The following ZGPAT variants were observed in gnomAD, a reference collection of about 807,000 sequenced individuals.
The protein encoded by ZGPAT is zinc finger CCCH-type and G-patch domain containing, also known as zinc finger CCCH-type with G patch domain-containing protein.
In ZGPAT, 39 loss-of-function variants were observed where a neutral mutation model predicts 47.9. That is an observed-to-expected ratio of 0.81 (90% CI 0.63 to 1.06). The LOEUF (loss-of-function observed/expected upper bound fraction) is 1.06. ZGPAT is among the 50% of genes least tolerant of loss of function. The pLI is 0.00. For synonymous variants in ZGPAT, 348 were observed against 292.9 expected (o/e 1.19, Z -1.92); for missense variants, 717 against 681.4 (o/e 1.05, Z -0.58).
Position 63,732,340 on chromosome 20 carries a change from G to GCAT in ZGPAT, c.585-879_585-878insCAT, listed in dbSNP as rs1568799391. Among the ~76,000 whole-genome samples, 5 of 120,768 alleles carry GCAT rather than the reference G, an allele frequency of 4.1e-5. No homozygotes were observed. The East Asian group carries it at 8.4e-4, about 20-fold the overall frequency. 79.2% of individuals were successfully genotyped at this position (120,768 alleles called of 152,430 possible). A position where few individuals can be genotyped will look rare whatever the true frequency, so the allele number is the denominator to read the frequency against. On this transcript the variant is annotated intron_variant, in intron 2 of 6. Transcript: ENST00000355969. ...GGGGGCATGTGTGTGCACGTGTGTG[G>GCAT]GTGAGGTGTGTGTGTGCATGTGTCA...
At position 63,724,673 on chromosome 20, in the gene ZGPAT, A is replaced by ATTT. The variant is rs34414685; in HGVS notation, c.585-8530_585-8528dup. Among the ~76,000 whole-genome samples the ATTT allele has an allele frequency of 9.5e-3, 1,303 of 137,414 alleles. 30 individuals are homozygous for ATTT. The highest frequency in any genetic ancestry group is 0.034 in the African/African-American group (1,237 of 36,624). The allele number at this position is 137,414 out of a possible 152,430, so 90.1% of individuals were successfully genotyped here. A position where few individuals can be genotyped will look rare whatever the true frequency, so the allele number is the denominator to read the frequency against. On this transcript the variant is annotated intron_variant, in intron 2 of 6. Transcript: ENST00000355969. ...TTTAGTCTGAAGAACTTCATTTAGA[A>ATTT]TTTTTTTTTTTTTTTTTTGAGACAA...
At chr20:63,721,179 C>G (rs1325998525) in intron 2 of ZGPAT, among the ~76,000 whole-genome samples, 3 of 151,974 alleles carry the variant, frequency 2.0e-5, no homozygotes, top group Non-Finnish European at 4.4e-5. Context: ...TGGTGAAACC[C>G]TGTCTCTACT....
At chr20:63,734,382 C>A in intron 4 of ZGPAT, 1 of 416,484 alleles carries the variant, frequency 2.4e-6, no homozygotes, top group Non-Finnish European at 4.3e-6. Flanking sequence ...GCAGGTGAGG[C>A]GCTCACAGCC....
rs750873972 is a variant in ZGPAT, at chr20:63,708,861, C to G, written c.281C>G (p.Ala94Gly). ...EAITEAVEAP[A>G]AARGSGSETV... ...ATCACTGAGGCGGTGGAGGCACCAGCAGCGGCCCGTGGGTCCGGATCAGAG... is the reference window on the plus strand; with the variant it reads ...ATCACTGAGGCGGTGGAGGCACCAGGAGCGGCCCGTGGGTCCGGATCAGAG... Residue 94 changes from alanine (A) to glycine (G), a missense_variant, in exon 2 of 7, where the codon GCA (alanine) becomes GGA (glycine). Coordinates refer to ENST00000355969, the MANE Select transcript of ZGPAT (RefSeq NM_181485.3). The G allele has an allele frequency of 6.2e-6, 10 of 1,607,838 alleles. No individual in the cohort carries two copies. Among genetic ancestry groups the G allele is most frequent in the Non-Finnish European group, 7.6e-6 (9 of 1,176,980 alleles).
At chr20:63,708,480 C>T (rs1479070364) in intron 1 of ZGPAT, 73 bp from the exon 2 acceptor site, 8 of 1,082,560 alleles carry the variant, frequency 7.4e-6, no homozygotes, top group African/African-American at 1.8e-5. Flanking sequence ...GGGACGTGCC[C>T]GTGCCCGTGC....
chr20:63,717,856 G>A (rs1297433740), intron 2 of ZGPAT, among the ~76,000 whole-genome samples: 6 of 152,040 alleles, frequency 3.9e-5, no homozygotes, highest in Non-Finnish European at 7.4e-5. Context: ...CAGCCTGGCC[G>A]ACAGGGAGAA....
chr20:63,709,404 G>A (rs1188462226), intron 2 of ZGPAT, among the ~76,000 whole-genome samples: 1 of 152,166 alleles, frequency 6.6e-6, no homozygotes, highest in Non-Finnish European at 1.5e-5. Flanking sequence ...TTAGGAAGCC[G>A]AGGCGGGCAG....
upstream of ZGPAT, chr20:63,707,970 A>C (rs1261517530): frequency 6.6e-6 from 1 of 152,006 alleles, no homozygotes. Context: ...GGCCGGCCTC[A>C]GGGAATGAGC....
chr20:63,729,815 G>A (rs1460694161), intron 2 of ZGPAT, among the ~76,000 whole-genome samples: 1 of 152,136 alleles, frequency 6.6e-6, no homozygotes, highest in Non-Finnish European at 1.5e-5. Flanking sequence ...GAGCCCAGGA[G>A]TTCAAGACCA....
In ZGPAT at chr20:63,736,015, T is replaced by TG; in HGVS notation, c.*100dup. 6.6e-7 allele frequency: 1 copy of TG among 1,513,976 alleles called. No individual in the cohort carries two copies. The highest frequency in any genetic ancestry group is 1.3e-5 in the South Asian group (1 of 77,308). The allele number at this position is 1,513,976 out of a possible 1,614,324, so 93.8% of individuals were successfully genotyped here. On this transcript the variant is annotated 3_prime_UTR_variant, in exon 7 of 7. Transcript: ENST00000355969. ...CCGAGGAGGGGCCGGCCTGCTGGCC[T>TG]GGGGCGTGCAGACACTGCTGAGTGG...
intron 2 of ZGPAT, among the ~76,000 whole-genome samples, chr20:63,728,649 C>A (rs921806188): frequency 3.3e-5 from 5 of 152,174 alleles, no homozygotes; most frequent in African/African-American, 1.2e-4. Flanking sequence ...TCTGGCTGGC[C>A]CAGTGCTCAC....
In ZGPAT at chr20:63,708,603, C is replaced by A; in HGVS notation, c.23C>A (p.Ser8Ter). The change falls in exon 2 of 7, where the codon TCG becomes TAG. Residue 8 changes from serine to a stop codon, truncating the protein, a stop_gained. Coordinates refer to ENST00000355969, the MANE Select transcript of ZGPAT (RefSeq NM_181485.3). LOFTEE classifies it high-confidence loss of function. The stretch of plus-strand genomic sequence containing the variant: ...AGCATGGACGAGGAGAGCCTGGAGT[C>A]GGCCTTGCAGACCTACCGTGCGCAG... MDEESLE[S>*]ALQTYRAQLQ... 1 of 1,604,402 alleles carries A rather than the reference C, an allele frequency of 6.2e-7. No homozygotes were observed. Among genetic ancestry groups the A allele is most frequent in the South Asian group, 1.1e-5 (1 of 90,608 alleles).
At chr20:63,730,994 C>T (rs1487904687) in intron 2 of ZGPAT, among the ~76,000 whole-genome samples, 2 of 145,108 alleles carry the variant, frequency 1.4e-5, no homozygotes, top group Non-Finnish European at 3.0e-5. Flanking sequence ...GTGTGTGTCT[C>T]GGTTTTGGTT....
In ZGPAT at chr20:63,733,611, T is replaced by C; in HGVS notation, c.743T>C (p.Val248Ala). 6.2e-7 allele frequency: 1 copy of C among 1,614,040 alleles called. No individual in the cohort carries two copies. Among genetic ancestry groups the C allele is most frequent in the Non-Finnish European group, 8.5e-7 (1 of 1,180,024 alleles). ...GATGTGGACAACGGCTACTACACAGTCAAGTTTGACTCGCTGCTGCTGAGG... is the reference window on the plus strand; with the variant it reads ...GATGTGGACAACGGCTACTACACAGCCAAGTTTGACTCGCTGCTGCTGAGG... Reference protein sequence around the residue: ...ITDVDNGYYTVKFDSLLLREA... With the variant: ...ITDVDNGYYTAKFDSLLLREA... Residue 248 changes from valine (V) to alanine (A), a missense_variant, in exon 4 of 7, where the codon GTC (valine) becomes GCC (alanine). Val to Ala is a moderately conservative substitution (Grantham distance 64). Coordinates refer to ENST00000355969, the MANE Select transcript of ZGPAT (RefSeq NM_181485.3).
chr20:63,709,292 C>G, intron 2 of ZGPAT, 128 bp downstream of exon 2: 1 of 1,011,838 alleles, frequency 9.9e-7, no homozygotes. Flanking sequence ...CGTGCTTTGA[C>G]AGCTGTGTCT....
rs755392343 is a variant in ZGPAT at position 63,708,762 on chromosome 20, GCTT to G, written c.183_185del (p.Ser61_Leu62delinsArg). 15 of 1,611,480 alleles carry G rather than the reference GCTT, an allele frequency of 9.3e-6. No homozygotes were observed. The South Asian group carries it at 1.6e-4, about 18-fold the overall frequency. ...AGCCTGGTGTCTGTCAGGAAGAGCAGCTTGTTGGCCGCGCTGGACGAAGAGCGC... is the reference window on the plus strand; with the variant it reads ...AGCCTGGTGTCTGTCAGGAAGAGCAGGTTGGCCGCGCTGGACGAAGAGCGC... On this transcript the variant is annotated inframe_deletion, in exon 2 of 7. Transcript: ENST00000355969.
At chr20:63,724,363 T>TA (rs59890523) in intron 2 of ZGPAT, among the ~76,000 whole-genome samples, 6,976 of 124,614 alleles carry the variant, frequency 0.056, 631 homozygotes, top group African/African-American at 0.19. Context: ...AGACTCTGCC[T>TA]AAAAAAAAAA....
Position 63,735,955 on chromosome 20 carries a change from C to A in ZGPAT, c.*36C>A. ...AGCACTATGGACGAAGCGTGGGACC[C>A]CAGCACGGGCTGCCCTCAGGAAGAC... On this transcript the variant is annotated 3_prime_UTR_variant, in exon 7 of 7. Coordinates refer to ENST00000355969, the MANE Select transcript of ZGPAT (RefSeq NM_181485.3). 1 of 1,587,498 alleles carries A rather than the reference C, an allele frequency of 6.3e-7. No individual in the cohort carries two copies. Among genetic ancestry groups the A allele is most frequent in the Non-Finnish European group, 8.6e-7 (1 of 1,163,724 alleles).
chr20:63,733,350 C>G lies in ZGPAT; in HGVS notation c.716C>G (p.Thr239Ser), dbSNP rs1365484867. 1.9e-6 allele frequency: 3 copies of G among 1,610,830 alleles called. No homozygotes were observed. Among genetic ancestry groups the G allele is most frequent in the Non-Finnish European group, 2.5e-6 (3 of 1,179,480 alleles). ...GGCCTCTGGCACGCAGCACGCATCACCGGTGAGGCTGGCCGTGGGGGCCTC... is the reference window on the plus strand; with the variant it reads ...GGCCTCTGGCACGCAGCACGCATCAGCGGTGAGGCTGGCCGTGGGGGCCTC... ...QDGLWHAARI[T>S]DVDNGYYTVK... Residue 239 changes from threonine (T) to serine (S), a missense_variant and splice_region_variant, in exon 3 of 7, where the codon ACC becomes AGC. Coordinates refer to ENST00000355969, the MANE Select transcript of ZGPAT (RefSeq NM_181485.3).
Sources: allele counts gnomAD v4.1 joint callset (sites outside exome capture counted in the v4.1 genomes callset), GRCh38; gene constraint gnomAD v4.1.1; transcripts MANE v1.5; gene names NCBI Gene and HGNC (gene_info 2026-07-23, HGNC 2026-07-21).